Variants in MYOM1 observed in about 807,000 individuals in gnomAD.
MYOM1 encodes the protein myomesin 1, also known as myomesin-1.
In MYOM1, 164 loss-of-function variants were observed where a neutral mutation model predicts 205.3. The ratio of observed to expected loss-of-function variants is 0.80; its 90% CI spans 0.70 to 0.91. The LOEUF is 0.91. MYOM1 is among the 40% of genes least tolerant of loss of function. The probability of loss-of-function intolerance (pLI) is 0.00; values close to 1 mark genes in which losing one functional copy is unlikely to be tolerated. For missense variants in MYOM1, 2,011 were observed against 2,127.3 expected (o/e 0.95, Z 1.08); for synonymous variants, 772 against 789.4 (o/e 0.98, Z 0.37).
intron 12 of MYOM1, among the ~76,000 whole-genome samples, chr18:3,151,488 A>AAAAT (rs1318066934): frequency 6.8e-6 from 1 of 147,728 alleles, no homozygotes; most frequent in Non-Finnish European, 1.5e-5. Flanking sequence ...AAAATAAAAT[A>AAAAT]AAATAAAATA....
chr18:3,175,959 T>C, intron 6 of MYOM1, 83 bp downstream of exon 6: 1 of 809,480 alleles, frequency 1.2e-6, no homozygotes, highest in East Asian at 2.5e-5. Flanking sequence ...TGGGATGAAG[T>C]GGGGAGAGTG....
the MYOM1 span, among the ~76,000 whole-genome samples, chr18:3,228,891 A>T: frequency 1.3e-5 from 2 of 152,170 alleles, no homozygotes; most frequent in African/African-American, 2.4e-5. This position sits in a 1 kb window ranked among gnomAD's most constrained non-coding sequence, Gnocchi z 4.5. Flanking sequence ...ACTTGGCAAG[A>T]TGTTTTTGAG....
intron 10 of MYOM1, among the ~76,000 whole-genome samples, chr18:3,157,684 AATAATAATAAT>A (rs2080321962): frequency 5.2e-5 from 2 of 38,750 alleles, no homozygotes; most frequent in Non-Finnish European, 1.2e-4. Context: ...CTCCAAAAAT[AATAATAATAAT>A]AATAATAATA....
Position 3,215,191 on chromosome 18 carries a change from C to A in MYOM1, c.33G>T (p.Gln11His). 1 of 1,612,802 alleles carries A rather than the reference C, an allele frequency of 6.2e-7. No individual in the cohort carries two copies. Among genetic ancestry groups the A allele is most frequent in the Non-Finnish European group, 8.5e-7 (1 of 1,179,410 alleles). The change falls in exon 2 of 38, where the codon CAG becomes CAT. Residue 11 changes from glutamine to histidine, a missense_variant. Physicochemically the swap from Gln to His is conservative, Grantham distance 24. Coordinates refer to ENST00000356443, the MANE Select transcript of MYOM1 (RefSeq NM_003803.4). MSLPFYQRCH[Q>H]HYDLSYRNKD... is the part of the protein sequence containing the mutation. ...TGTTGCGGTAGCTGAGATCATAGTG[C>A]TGGTGGCACCTCTGATAAAAAGGCA...
intron 16 of MYOM1, among the ~76,000 whole-genome samples, chr18:3,132,853 C>G (rs866006329): frequency 6.6e-6 from 1 of 152,208 alleles, no homozygotes; most frequent in South Asian, 2.1e-4. Flanking sequence ...CTATAAATAG[C>G]TGTTTCATGA....
chr18:3,181,000 C>T (rs1019687624), intron 5 of MYOM1, among the ~76,000 whole-genome samples: 1 of 151,298 alleles, frequency 6.6e-6, no homozygotes, highest in African/African-American at 2.4e-5. Flanking sequence ...GATCTGTGCT[C>T]ACTGCAACCT....
chr18:3,142,825 G>T (rs1372837804), intron 13 of MYOM1, among the ~76,000 whole-genome samples: 1 of 152,206 alleles, frequency 6.6e-6, no homozygotes, highest in Non-Finnish European at 1.5e-5. Context: ...CAAGGTCCCA[G>T]TGGAGTTGAG....
At chr18:3,172,147 G>A (rs768532547) in intron 8 of MYOM1, among the ~76,000 whole-genome samples, 13 of 152,340 alleles carry the variant, frequency 8.5e-5, no homozygotes, top group Middle Eastern at 3.4e-3. Flanking sequence ...TAGAAAAAAA[G>A]AGCAGAGAGC....
intron 9 of MYOM1, among the ~76,000 whole-genome samples, chr18:3,166,661 T>C (rs1453562816): frequency 1.3e-5 from 2 of 152,160 alleles, no homozygotes; most frequent in Non-Finnish European, 1.5e-5. Context: ...TTTGTTTTTT[T>C]ACCTGAACAA....
upstream of MYOM1, among the ~76,000 whole-genome samples, chr18:3,222,732 CACAA>C (rs1225613680): frequency 5.0e-5 from 7 of 140,204 alleles, no homozygotes; most frequent in East Asian, 1.2e-3. Flanking sequence ...CACATACACA[CACAA>C]ACAGGCATAC....
intron 26 of MYOM1, 29 bp from the exon 27 acceptor site, chr18:3,090,831 A>T (rs2079216619): frequency 1.2e-6 from 2 of 1,613,104 alleles, no homozygotes; most frequent in Admixed American, 1.7e-5. Context: ...ATGACAGAGA[A>T]ATCACTGAGG....
At chr18:3,120,507 C>T (rs1017076662) in intron 19 of MYOM1, among the ~76,000 whole-genome samples, 6 of 152,136 alleles carry the variant, frequency 3.9e-5, no homozygotes, top group African/African-American at 9.7e-5. Flanking sequence ...CTGCCAACAA[C>T]CTGAGCGGGC....
At chr18:3,197,751 T>TA in intron 2 of MYOM1, among the ~76,000 whole-genome samples, 1 of 151,916 alleles carries the variant, frequency 6.6e-6, no homozygotes, top group Non-Finnish European at 1.5e-5. Flanking sequence ...CAGGCGCCTG[T>TA]GGTCCCAGCT....
At chr18:3,076,300 T>G (rs1334897235) in intron 34 of MYOM1, among the ~76,000 whole-genome samples, 1 of 152,164 alleles carries the variant, frequency 6.6e-6, no homozygotes, top group Non-Finnish European at 1.5e-5. Flanking sequence ...ACTCCTGACC[T>G]TAAGTGATTT....
chr18:3,171,230 CCT>C (rs1404425062), intron 8 of MYOM1, among the ~76,000 whole-genome samples: 1 of 152,156 alleles, frequency 6.6e-6, no homozygotes, highest in African/African-American at 2.4e-5. Flanking sequence ...AGTGAAGTAA[CCT>C]CTTTGGAAGC....
the MYOM1 span, among the ~76,000 whole-genome samples, chr18:3,226,355 A>G: frequency 2.6e-5 from 4 of 152,034 alleles, no homozygotes; most frequent in Non-Finnish European, 5.9e-5. This position sits in a 1 kb window ranked among gnomAD's most constrained non-coding sequence, Gnocchi z 4.6. Flanking sequence ...CTCACTGCCT[A>G]TTCTTCCCCA....
intron 10 of MYOM1, among the ~76,000 whole-genome samples, chr18:3,158,301 G>GT (rs1355374701): frequency 2.6e-5 from 4 of 152,096 alleles, no homozygotes; most frequent in Non-Finnish European, 4.4e-5. Flanking sequence ...TCATTGCTGT[G>GT]TGGTATGTCA....
intron 5 of MYOM1, among the ~76,000 whole-genome samples, chr18:3,183,530 T>C (rs993724293): frequency 1.3e-5 from 2 of 152,144 alleles, no homozygotes; most frequent in Non-Finnish European, 2.9e-5. Context: ...AAACCCTCTT[T>C]GGAAAGGGCT....
chr18:3,181,083 C>T (rs534000165), intron 5 of MYOM1, among the ~76,000 whole-genome samples: 3 of 152,132 alleles, frequency 2.0e-5, no homozygotes, highest in Admixed American at 6.5e-5. Context: ...CGTGCCACCA[C>T]GTCCAGCTAC....
Sources: allele counts gnomAD v4.1 joint callset (sites outside exome capture counted in the v4.1 genomes callset), GRCh38; gene constraint gnomAD v4.1.1; non-coding constraint Gnocchi (gnomAD v3.1); transcripts MANE v1.5; gene names NCBI Gene and HGNC (gene_info 2026-07-23, HGNC 2026-07-21).